SPOCK3: variants seen among roughly 807,000 people sequenced by gnomAD.
SPOCK3 encodes the protein SPARC (osteonectin), cwcv and kazal like domains proteoglycan 3, also known as testican-3.
SPOCK3 carries 30 observed loss-of-function variants against 56.6 expected under a neutral mutation model. That is an observed-to-expected ratio of 0.53 (90% CI 0.40 to 0.72). The LOEUF (loss-of-function observed/expected upper bound fraction) is 0.72. Among genes scored for constraint, SPOCK3 ranks in the 30% least tolerant of loss-of-function variants. The pLI is 0.00. For missense variants in SPOCK3, 527 were observed against 530.0 expected (o/e 0.99, Z 0.06); for synonymous variants, 196 against 183.3 (o/e 1.07, Z -0.56).
intron 3 of SPOCK3, among the ~76,000 whole-genome samples, chr4:167,051,658 A>C (rs1213084797): frequency 1.3e-5 from 2 of 152,182 alleles, no homozygotes; most frequent in African/African-American, 4.8e-5. Context: ...TTTCACACTT[A>C]GCATGTTGTT....
chr4:166,852,086 G>T (rs1342830973), intron 6 of SPOCK3, among the ~76,000 whole-genome samples: 1 of 150,816 alleles, frequency 6.6e-6, no homozygotes, highest in Non-Finnish European at 1.5e-5. Flanking sequence ...TCATAGGTGG[G>T]AATTGAACAA....
chr4:167,134,586 G>A (rs1561252856), intron 2 of SPOCK3, among the ~76,000 whole-genome samples: 1 of 151,956 alleles, frequency 6.6e-6, no homozygotes, highest in Non-Finnish European at 1.5e-5. Context: ...AAAACTTAAA[G>A]TATAATAATA....
At chr4:167,199,294 C>T (rs1237379901) in intron 2 of SPOCK3, among the ~76,000 whole-genome samples, 1 of 151,230 alleles carries the variant, frequency 6.6e-6, no homozygotes, top group Non-Finnish European at 1.5e-5. Flanking sequence ...CCAGACACCT[C>T]TTCAGGTATC....
intron 2 of SPOCK3, among the ~76,000 whole-genome samples, chr4:167,110,721 G>C (rs1359849176): frequency 6.6e-6 from 1 of 151,720 alleles, no homozygotes; most frequent in African/African-American, 2.4e-5. Context: ...ACACTTAAGG[G>C]GGAAAAAATT....
At chr4:167,109,294 AAAT>A (rs1180036800) in intron 2 of SPOCK3, among the ~76,000 whole-genome samples, 4 of 89,626 alleles carry the variant, frequency 4.5e-5, no homozygotes, top group South Asian at 3.5e-4. Flanking sequence ...TAATTATTAT[AAAT>A]AATAATTATT....
chr4:166,766,392 C>G (rs1304996503), intron 7 of SPOCK3, among the ~76,000 whole-genome samples: 1 of 152,144 alleles, frequency 6.6e-6, no homozygotes, highest in African/African-American at 2.4e-5. Context: ...GAGTTTTTAG[C>G]ATGAAGGGCT....
chr4:167,082,428 G>T (rs1170550498), intron 2 of SPOCK3, among the ~76,000 whole-genome samples: 1 of 151,990 alleles, frequency 6.6e-6, no homozygotes, highest in East Asian at 1.9e-4. Context: ...ACTGGCCATT[G>T]TCTGTTTGTA....
intron 3 of SPOCK3, among the ~76,000 whole-genome samples, chr4:167,055,501 T>C (rs1387899489): frequency 6.6e-6 from 1 of 152,118 alleles, no homozygotes; most frequent in Non-Finnish European, 1.5e-5. Context: ...GGGTGAGGCA[T>C]TGCCTCACAT....
intron 3 of SPOCK3, among the ~76,000 whole-genome samples, chr4:167,018,938 G>A (rs1750908960): frequency 1.3e-5 from 2 of 151,980 alleles, no homozygotes. Flanking sequence ...ATCCAGGCCA[G>A]AATCACCACT....
chr4:167,119,740 G>C, intron 2 of SPOCK3: 1 of 1,228,620 alleles, frequency 8.1e-7, no homozygotes, highest in East Asian at 2.5e-5. Context: ...TAACATAATG[G>C]GTACTCTGCT....
intron 3 of SPOCK3, among the ~76,000 whole-genome samples, chr4:167,029,741 G>A (rs532600431): frequency 2.0e-5 from 3 of 151,778 alleles, no homozygotes; most frequent in South Asian, 2.1e-4. Flanking sequence ...TAAGGATGTA[G>A]GTATGAATTT....
intron 6 of SPOCK3, among the ~76,000 whole-genome samples, chr4:166,866,871 C>T (rs1356153143): frequency 1.3e-5 from 2 of 152,014 alleles, no homozygotes; most frequent in East Asian, 1.9e-4. Flanking sequence ...TATTGCATGT[C>T]CGTGTTATTT....
intron 4 of SPOCK3, among the ~76,000 whole-genome samples, chr4:166,996,264 C>T (rs902960683): frequency 6.6e-5 from 10 of 152,114 alleles, no homozygotes. Context: ...ACTTATTCAA[C>T]CTTACTCTGT....
intron 3 of SPOCK3, among the ~76,000 whole-genome samples, chr4:167,005,190 G>A (rs2150135272): frequency 6.6e-6 from 1 of 151,980 alleles, no homozygotes; most frequent in Middle Eastern, 3.4e-3. Context: ...CAGAATAATG[G>A]ACAATGATTT....
intron 5 of SPOCK3, among the ~76,000 whole-genome samples, chr4:166,903,120 TTTA>T (rs2127063493): frequency 6.8e-6 from 1 of 147,322 alleles, no homozygotes; most frequent in Non-Finnish European, 1.5e-5. Flanking sequence ...TTATAAATTA[TTTA>T]TAATATAAAT....
At chr4:167,092,573 AATG>A (rs1758797595) in intron 2 of SPOCK3, among the ~76,000 whole-genome samples, 1 of 152,224 alleles carries the variant, frequency 6.6e-6, no homozygotes, top group Non-Finnish European at 1.5e-5. Context: ...AATTGAGAAC[AATG>A]ATAACTTGGA....
chr4:166,769,689 G>T (rs953954851), intron 7 of SPOCK3, among the ~76,000 whole-genome samples: 2 of 152,146 alleles, frequency 1.3e-5, no homozygotes, highest in African/African-American at 4.8e-5. Flanking sequence ...ACTCTGTGCT[G>T]GGAGAAGCAC....
chr4:166,927,205 T>G (rs1489371077), intron 4 of SPOCK3, among the ~76,000 whole-genome samples: 4 of 152,200 alleles, frequency 2.6e-5, no homozygotes, highest in African/African-American at 7.2e-5. Flanking sequence ...GGTTTCACTC[T>G]GTATCCCCAC....
Position 167,056,407 on chromosome 4 carries a change from T to A in SPOCK3, c.235+6085A>T, listed in dbSNP as rs539178180. 3.9e-5 allele frequency among the ~76,000 whole-genome samples: 6 copies of A among 152,204 alleles called. No individual in the cohort carries two copies. In the East Asian group the frequency reaches 7.7e-4, roughly 20 times the overall value. Reference sequence around the variant, plus strand: ...TTCTCCTCCAAAGGAACGCAGCTCCTCACCAGCAATGGAACAAAGCTGGAT... The same window carrying A: ...TTCTCCTCCAAAGGAACGCAGCTCCACACCAGCAATGGAACAAAGCTGGAT... On this transcript the variant is annotated intron_variant, in intron 3 of 10. Coordinates refer to ENST00000357545, the MANE Select transcript of SPOCK3 (RefSeq NM_001040159.2).
Sources: gnomAD v4.1 joint callset for allele counts (sites outside exome capture counted in the v4.1 genomes callset) on GRCh38, gnomAD v4.1.1 for gene constraint, MANE v1.5 for transcripts, NCBI Gene and HGNC (gene_info 2026-07-23, HGNC 2026-07-21) for gene names.